SEPTIN9: variants seen among roughly 807,000 people sequenced by gnomAD.
SEPTIN9 encodes the protein septin 9.
A neutral mutation model predicts 56.6 loss-of-function variants in SEPTIN9; 13 were observed. The ratio of observed to expected loss-of-function variants is 0.23; its 90% CI spans 0.15 to 0.37. SEPTIN9 has a LOEUF of 0.37. Ranked by LOEUF, SEPTIN9 falls within the 10% of genes least tolerant of loss-of-function variation. The pLI, the probability that SEPTIN9 is intolerant of heterozygous loss-of-function variation, is 1.00. For missense variants in SEPTIN9, 650 were observed against 823.1 expected (o/e 0.79, Z 2.57); for synonymous variants, 332 against 334.1 (o/e 0.99, Z 0.07).
chr17:77,486,887 G>A (rs1242919365), intron 4 of SEPTIN9, among the ~76,000 whole-genome samples: 1 of 152,188 alleles, frequency 6.6e-6, no homozygotes, highest in Non-Finnish European at 1.5e-5. Flanking sequence ...ACGGGGGAAG[G>A]ACTGTTTATC....
chr17:77,425,400 G>A lies in SEPTIN9; in HGVS notation c.721+22697G>A, dbSNP rs1349337611. Among the ~76,000 whole-genome samples, 1 of 152,194 alleles carries A rather than the reference G, an allele frequency of 6.6e-6. No individual in the cohort carries two copies. Among genetic ancestry groups the A allele is most frequent in the Non-Finnish European group, 1.5e-5 (1 of 68,036 alleles). ...CCTGAGGGCTTCAGAGGTCCGGGAG[G>A]GGGATGTGACCGTGTCCCCAGGGTG... On this transcript the variant is annotated intron_variant, in intron 3 of 11. Transcript: ENST00000427177. The surrounding 1 kb of genome is among the most constrained non-coding windows in gnomAD (Gnocchi z 4.2).
chr17:77,471,199 G>A (rs1223320278), intron 3 of SEPTIN9, among the ~76,000 whole-genome samples: 1 of 152,170 alleles, frequency 6.6e-6, no homozygotes, highest in Non-Finnish European at 1.5e-5. Flanking sequence ...TGTGTGCGAT[G>A]TCTTTCTCCC....
chr17:77,475,963 G>C lies in SEPTIN9; in HGVS notation c.722-6181G>C. The C allele has an allele frequency of 6.6e-7, 1 of 1,525,854 alleles. No individual in the cohort carries two copies. Among genetic ancestry groups the C allele is most frequent in the Non-Finnish European group, 8.9e-7 (1 of 1,119,396 alleles). 94.5% of individuals were successfully genotyped at this position (1,525,854 alleles called of 1,614,324 possible). On this transcript the variant is annotated intron_variant, in intron 3 of 11. Transcript: ENST00000427177. The surrounding 1 kb of genome is among the most constrained non-coding windows in gnomAD (Gnocchi z 4.6). ...TGAGAGCCAGGTGTGGGTTGGGTTT[G>C]GGGAAGACAGGGGAATGGCATTGAC...
intron 2 of SEPTIN9, among the ~76,000 whole-genome samples, chr17:77,349,466 TC>T (rs1383578257): frequency 1.3e-5 from 2 of 152,252 alleles, no homozygotes; most frequent in East Asian, 3.8e-4. Flanking sequence ...TTCTGAGTTG[TC>T]AGTTTTTTCT....
intron 1 of SEPTIN9, among the ~76,000 whole-genome samples, chr17:77,288,951 C>T (rs894431469): frequency 2.6e-5 from 4 of 152,210 alleles, no homozygotes; most frequent in Non-Finnish European, 5.9e-5. Context: ...ATCATGTTGC[C>T]TCCAGCATCA....
chr17:77,290,623 C>T (rs1042843679), intron 1 of SEPTIN9, among the ~76,000 whole-genome samples: 2 of 151,228 alleles, frequency 1.3e-5, no homozygotes, highest in Non-Finnish European at 2.9e-5. Flanking sequence ...GTCAGAAGAT[C>T]GAGACCATGG....
chr17:77,327,281 A>G lies in SEPTIN9; in HGVS notation c.76+20084A>G, dbSNP rs2033173813. On this transcript the variant is annotated intron_variant, in intron 2 of 11. Transcript: ENST00000427177. This position sits in a 1 kb window ranked among gnomAD's most constrained non-coding sequence, Gnocchi z 5.0. ...CCCGGCCTGCTCCCACCAGGGGCTG[A>G]GGCCTCCTTGCTCACTCCAGCTTCC... Among the ~76,000 whole-genome samples the G allele has an allele frequency of 6.6e-6, 1 of 152,052 alleles. No homozygotes were observed.
At chr17:77,361,912 G>A (rs949522152) in intron 2 of SEPTIN9, among the ~76,000 whole-genome samples, 8 of 152,328 alleles carry the variant, frequency 5.3e-5, no homozygotes, top group South Asian at 2.1e-4. Flanking sequence ...GATTACAGGC[G>A]TGAGCCACCG....
chr17:77,468,963 G>A (rs1349761703), intron 3 of SEPTIN9: 2 of 152,466 alleles, frequency 1.3e-5, no homozygotes, highest in African/African-American at 2.4e-5. Flanking sequence ...ACTTAGATGG[G>A]GGATGGGGTG....
chr17:77,493,760 TCTTC>T (rs1168050003), intron 10 of SEPTIN9, among the ~76,000 whole-genome samples: 1 of 139,342 alleles, frequency 7.2e-6, no homozygotes, highest in African/African-American at 2.7e-5. Context: ...CCGTCCCTCC[TCTTC>T]CTTTTTTTTT....
intron 3 of SEPTIN9, among the ~76,000 whole-genome samples, chr17:77,466,787 G>A (rs1280388193): frequency 6.6e-6 from 1 of 152,204 alleles, no homozygotes; most frequent in Non-Finnish European, 1.5e-5. Context: ...TGACTTTAGG[G>A]AACGGAGAAT....
chr17:77,422,933 A>T (rs1014113060), intron 3 of SEPTIN9, among the ~76,000 whole-genome samples: 3 of 152,144 alleles, frequency 2.0e-5, no homozygotes, highest in Non-Finnish European at 4.4e-5. Flanking sequence ...CCTCGTCCCC[A>T]CAGCCTTCTG....
At chr17:77,481,529 G>A (rs965334066) in intron 3 of SEPTIN9, among the ~76,000 whole-genome samples, 3 of 151,532 alleles carry the variant, frequency 2.0e-5, no homozygotes, top group Admixed American at 6.6e-5. Context: ...CATGGGGACC[G>A]ACGCTGGTTC....
intron 4 of SEPTIN9, among the ~76,000 whole-genome samples, chr17:77,485,440 C>T (rs1329355457): frequency 4.0e-5 from 6 of 150,008 alleles, no homozygotes; most frequent in African/African-American, 9.9e-5. Flanking sequence ...ATGAGGGTGA[C>T]GGAAGTGGTG....
rs118006586 is a variant in SEPTIN9, at chr17:77,323,906, C to G, written c.76+16709C>G. 6.6e-6 allele frequency: 1 copy of G among 152,268 alleles called. No homozygotes were observed. Among genetic ancestry groups the G allele is most frequent in the Admixed American group, 6.5e-5 (1 of 15,282 alleles). The allele number at this position is 152,268 out of a possible 1,614,324, so 9.4% of individuals were successfully genotyped here. A position where few individuals can be genotyped will look rare whatever the true frequency, so the allele number is the denominator to read the frequency against. On this transcript the variant is annotated intron_variant, in intron 2 of 11. Transcript: ENST00000427177. This position sits in a 1 kb window ranked among gnomAD's most constrained non-coding sequence, Gnocchi z 6.8. ...AGTGGTTTCCTGGGGCTGCCATCAC[C>G]AAGTGCCACAAACTGGGTGGCTCAA...
intron 2 of SEPTIN9, among the ~76,000 whole-genome samples, chr17:77,391,257 G>T (rs988047351): frequency 1.3e-5 from 2 of 152,178 alleles, no homozygotes. Context: ...GCAGGCTCTA[G>T]GCCTCCTCCC....
intron 3 of SEPTIN9, among the ~76,000 whole-genome samples, chr17:77,443,245 T>C (rs2037615576): frequency 2.0e-5 from 3 of 152,132 alleles, no homozygotes; most frequent in Admixed American, 6.5e-5. Flanking sequence ...TTTGCAGCTC[T>C]GGGACACACT....
At chr17:77,390,007 GC>G (rs1419927412) in intron 2 of SEPTIN9, among the ~76,000 whole-genome samples, 2 of 152,166 alleles carry the variant, frequency 1.3e-5, no homozygotes, top group Non-Finnish European at 2.9e-5. Flanking sequence ...GGAACCAGGG[GC>G]ACGCGGTAGA....
intron 2 of SEPTIN9, among the ~76,000 whole-genome samples, chr17:77,377,658 C>T (rs1462509019): frequency 6.6e-6 from 1 of 152,076 alleles, no homozygotes; most frequent in East Asian, 1.9e-4. Context: ...GTGGGAAGGA[C>T]CATGTGGATA....
Sources: gnomAD v4.1 joint callset for allele counts (sites outside exome capture counted in the v4.1 genomes callset) on GRCh38, gnomAD v4.1.1 for gene constraint, Gnocchi (gnomAD v3.1) non-coding constraint, MANE v1.5 for transcripts, NCBI Gene and HGNC (gene_info 2026-07-23, HGNC 2026-07-21) for gene names.